The following ADCY9 variants were observed in gnomAD, a reference collection of about 807,000 sequenced individuals.
ADCY9 encodes adenylate cyclase 9, also known as adenylate cyclase type 9.
In ADCY9, 50 loss-of-function variants were observed where a neutral mutation model predicts 101.5. The observed-to-expected ratio is 0.49, with a 90% CI of 0.39 to 0.62. ADCY9 has a LOEUF of 0.62. Ranked by LOEUF, ADCY9 falls within the 20% of genes least tolerant of loss-of-function variation. The pLI, the probability that ADCY9 is intolerant of heterozygous loss-of-function variation, is 0.00. For missense variants in ADCY9, 1,662 were observed against 1,800.4 expected (o/e 0.92, Z 1.39); for synonymous variants, 905 against 769.3 (o/e 1.18, Z -2.92).
intron 2 of ADCY9, among the ~76,000 whole-genome samples, chr16:4,029,618 G>A (rs774653398): frequency 4.6e-5 from 7 of 151,954 alleles, no homozygotes; most frequent in Admixed American, 6.6e-5. Context: ...GAGGTGGCAC[G>A]TGCCTGTAAT....
At chr16:4,044,793 A>G (rs11647979) in intron 2 of ADCY9, among the ~76,000 whole-genome samples, 19,933 of 152,102 alleles carry the variant, frequency 0.13, 1,412 homozygotes, top group East Asian at 0.18. Flanking sequence ...ATTTTTCAGG[A>G]CCTAGCTCTG....
In ADCY9 at chr16:3,965,962, G is replaced by A; in HGVS notation, c.3875C>T (p.Ser1292Phe). 1.9e-6 allele frequency: 3 copies of A among 1,614,208 alleles called. No homozygotes were observed. Among genetic ancestry groups the A allele is most frequent in the South Asian group, 2.2e-5 (2 of 91,082 alleles). Residue 1292 changes from serine (S) to phenylalanine (F), a missense_variant, in exon 11 of 11, where the codon TCT becomes TTT. Ser to Phe is a radical substitution (Grantham distance 155). Transcript: ENST00000294016. Reference protein sequence around the residue: ...VPSVQYVDKTSLGSDSSTQAK... With the variant: ...VPSVQYVDKTFLGSDSSTQAK... ...CTGCGTGCTGCTGTCAGAACCCAGAGATGTCTTGTCCACATACTGGACAGA... is the reference window on the plus strand; with the variant it reads ...CTGCGTGCTGCTGTCAGAACCCAGAAATGTCTTGTCCACATACTGGACAGA...
chr16:3,962,068 C>T (rs535560306), downstream of ADCY9, among the ~76,000 whole-genome samples: 1 of 152,088 alleles, frequency 6.6e-6, no homozygotes, highest in Non-Finnish European at 1.5e-5. Context: ...CAGGAAAACC[C>T]CTACAGGGGA....
downstream of ADCY9, among the ~76,000 whole-genome samples, chr16:3,959,069 T>A (rs1278854311): frequency 6.6e-6 from 1 of 151,984 alleles, no homozygotes; most frequent in African/African-American, 2.4e-5. Context: ...CAGCCCTATT[T>A]AAAAATGTTG....
chr16:4,068,631 G>A (rs149165016), intron 2 of ADCY9, among the ~76,000 whole-genome samples: 2,501 of 151,958 alleles, frequency 0.016, 22 homozygotes, highest in Non-Finnish European at 0.024. Context: ...TGGCTAACAC[G>A]GTGAAACCCC....
chr16:4,077,726 G>T (rs537745498), intron 2 of ADCY9, among the ~76,000 whole-genome samples: 123 of 152,246 alleles, frequency 8.1e-4, no homozygotes, highest in Non-Finnish European at 1.6e-3. Flanking sequence ...CAGGCCAGGC[G>T]CGGTGACTCA....
At chr16:3,994,877 G>A (rs923211689) in intron 3 of ADCY9, among the ~76,000 whole-genome samples, 1 of 152,212 alleles carries the variant, frequency 6.6e-6, no homozygotes, top group Non-Finnish European at 1.5e-5. Context: ...GTGTGATGGT[G>A]AGCTAGTCTC....
At chr16:4,105,658 CAAGAGTGAG>C (rs2057071957) in intron 2 of ADCY9, among the ~76,000 whole-genome samples, 1 of 125,500 alleles carries the variant, frequency 8.0e-6, no homozygotes, top group Non-Finnish European at 1.6e-5. Context: ...CCAGCCTGGG[CAAGAGTGAG>C]ACTCCGTCTC....
At chr16:4,007,592 T>C in intron 2 of ADCY9, 34 bp from the exon 3 acceptor site, 3 of 1,551,320 alleles carry the variant, frequency 1.9e-6, no homozygotes, top group Non-Finnish European at 2.6e-6. Flanking sequence ...CAGCACAGAT[T>C]GAAAGCACCG....
chr16:4,085,621 T>C (rs777213891), intron 2 of ADCY9, among the ~76,000 whole-genome samples: 1 of 152,084 alleles, frequency 6.6e-6, no homozygotes, highest in Non-Finnish European at 1.5e-5. Flanking sequence ...ACTGGTTACA[T>C]GGAAGTGAAC....
rs557992384 is a variant in ADCY9 at position 3,993,323 on chromosome 16, A to G, written c.1989+83T>C. The G allele has an allele frequency of 6.1e-5, 97 of 1,578,494 alleles. No homozygotes were observed. In the African/African-American group the frequency reaches 7.4e-4, roughly 12 times the overall value. Reference sequence around the variant, plus strand: ...CCAAGAGGAGTTACTCTCAGAACTAAGAAGTCGACAAGACAGGAATGTCAC... The same window carrying G: ...CCAAGAGGAGTTACTCTCAGAACTAGGAAGTCGACAAGACAGGAATGTCAC... On this transcript the variant is annotated intron_variant, in intron 4 of 10. Coordinates refer to ENST00000294016, the MANE Select transcript of ADCY9 (RefSeq NM_001116.4).
At chr16:4,074,220 T>TG (rs2056852330) in intron 2 of ADCY9, among the ~76,000 whole-genome samples, 1 of 152,018 alleles carries the variant, frequency 6.6e-6, no homozygotes, top group Admixed American at 6.5e-5. Flanking sequence ...AAGGTTCTCA[T>TG]AGAACCTTGT....
chr16:3,982,989 C>A, intron 7 of ADCY9: 1 of 540,992 alleles, frequency 1.8e-6, no homozygotes, highest in South Asian at 2.9e-5. Flanking sequence ...GACAAGCTGG[C>A]AGCGGTTGGG....
In ADCY9 at chr16:3,965,546, G is replaced by C. The variant is rs892870219; in HGVS notation, c.*229C>G. On this transcript the variant is annotated 3_prime_UTR_variant, in exon 11 of 11. Coordinates refer to ENST00000294016, the MANE Select transcript of ADCY9 (RefSeq NM_001116.4). ...AGGCACTTGTTCTCCACCACGTGCT[G>C]AACGGATGACCCAGAGGCAGCGGGG... 20 of 581,092 alleles carry C rather than the reference G, an allele frequency of 3.4e-5. No homozygotes were observed. The highest frequency in any genetic ancestry group is 5.2e-5 in the Non-Finnish European group (17 of 328,616). The allele number at this position is 581,092 out of a possible 1,614,324, so 36.0% of individuals were successfully genotyped here.
At chr16:3,980,587 AC>A (rs543173071) in intron 7 of ADCY9, among the ~76,000 whole-genome samples, 146 of 152,272 alleles carry the variant, frequency 9.6e-4, no homozygotes, top group African/African-American at 3.3e-3. Flanking sequence ...CTGAACACCT[AC>A]CATGCCTCTC....
chr16:3,998,024 G>A (rs867311257), intron 3 of ADCY9, among the ~76,000 whole-genome samples: 8 of 152,160 alleles, frequency 5.3e-5, no homozygotes, highest in Non-Finnish European at 1.2e-4. Flanking sequence ...GACCCGGGAG[G>A]CGGAGGTTGC....
At chr16:4,018,019 C>T (rs2056449645) in intron 2 of ADCY9, among the ~76,000 whole-genome samples, 1 of 152,212 alleles carries the variant, frequency 6.6e-6, no homozygotes, top group East Asian at 1.9e-4. Context: ...GCCTGGAACA[C>T]AGATGGGCCT....
At chr16:4,000,593 GAACA>G (rs1429065062) in intron 3 of ADCY9, among the ~76,000 whole-genome samples, 1 of 152,170 alleles carries the variant, frequency 6.6e-6, no homozygotes, top group Admixed American at 6.5e-5. Flanking sequence ...AAAGCAGTAA[GAACA>G]GACAGCAGAT....
intron 3 of ADCY9, among the ~76,000 whole-genome samples, chr16:3,995,273 T>G (rs545989426): frequency 4.1e-4 from 63 of 151,894 alleles, no homozygotes; most frequent in Non-Finnish European, 7.8e-4. Context: ...ACAAAAAGCA[T>G]AAAAATTAGC....
Sources: gnomAD v4.1 joint callset for allele counts (sites outside exome capture counted in the v4.1 genomes callset) on GRCh38, gnomAD v4.1.1 for gene constraint, MANE v1.5 for transcripts, NCBI Gene and HGNC (gene_info 2026-07-23, HGNC 2026-07-21) for gene names.